PPP3CA: variants seen among roughly 807,000 people sequenced by gnomAD.
PPP3CA encodes the protein CAM-PRP catalytic subunit.
PPP3CA carries 14 observed loss-of-function variants against 66.5 expected under a neutral mutation model. The observed-to-expected ratio is 0.21, with a 90% CI of 0.14 to 0.33. The LOEUF (loss-of-function observed/expected upper bound fraction) is 0.33, where lower values mean the gene tolerates loss of function less well. Ranked by LOEUF, PPP3CA falls within the 10% of genes least tolerant of loss-of-function variation. The pLI is 1.00. For missense variants in PPP3CA, 317 were observed against 639.5 expected, an observed-to-expected ratio of 0.50 and a Z score of 5.44; for synonymous variants, 232 against 226.2, an observed-to-expected ratio of 1.03 and a Z score of -0.23.
At position 101,025,803 on chromosome 4, in the gene PPP3CA, C is replaced by G. The variant is rs1726609882; in HGVS notation, c.*62G>C. 7.6e-7 allele frequency: 1 copy of G among 1,315,202 alleles called. No homozygotes were observed. Among genetic ancestry groups the G allele is most frequent in the Non-Finnish European group, 1.0e-6 (1 of 982,192 alleles). The allele number at this position is 1,315,202 out of a possible 1,614,324, so 81.5% of individuals were successfully genotyped here. On this transcript the variant is annotated 3_prime_UTR_variant, in exon 14 of 14. Coordinates refer to ENST00000394854, the MANE Select transcript of PPP3CA (RefSeq NM_000944.5). ...CCAACTGCTGATATGCAGCAATCCC[C>G]ATCATGCCCCGCAGCTCAAAAAAAA...
At chr4:101,289,317 CA>C (rs1466087833) in intron 1 of PPP3CA, among the ~76,000 whole-genome samples, 1 of 152,138 alleles carries the variant, frequency 6.6e-6, no homozygotes, top group Non-Finnish European at 1.5e-5. Flanking sequence ...ATAACATTTC[CA>C]CATGCTCCAC....
chr4:101,216,790 A>G (rs1459567030), intron 1 of PPP3CA, among the ~76,000 whole-genome samples: 1 of 152,090 alleles, frequency 6.6e-6, no homozygotes, highest in East Asian at 1.9e-4. Flanking sequence ...GGCTCTCGCA[A>G]TCAGTCCACC....
At chr4:101,295,307 CAAAAAAAAAAAAAAA>C (rs527366396) in intron 1 of PPP3CA, among the ~76,000 whole-genome samples, 8 of 42,054 alleles carry the variant, frequency 1.9e-4, no homozygotes, top group Non-Finnish European at 3.6e-4. Context: ...GACTCCGTCT[CAAAAAAAAAAAAAAA>C]AAAAAAAAAG....
intron 2 of PPP3CA, among the ~76,000 whole-genome samples, chr4:101,135,254 A>G (rs1722581434): frequency 6.6e-6 from 1 of 152,130 alleles, no homozygotes; most frequent in Non-Finnish European, 1.5e-5. Flanking sequence ...TCAAAAAAAA[A>G]AAAAAATCAA....
intron 1 of PPP3CA, among the ~76,000 whole-genome samples, chr4:101,261,460 T>G (rs1191442172): frequency 6.6e-6 from 1 of 152,130 alleles, no homozygotes; most frequent in Non-Finnish European, 1.5e-5. Context: ...TACCATAATG[T>G]AACATTATTG....
chr4:101,091,582 TCAA>T (rs1383730449), intron 6 of PPP3CA, among the ~76,000 whole-genome samples: 1 of 151,916 alleles, frequency 6.6e-6, no homozygotes. Context: ...ATCAATCACA[TCAA>T]CAGATAGAAA....
intron 2 of PPP3CA, among the ~76,000 whole-genome samples, chr4:101,115,037 G>T (rs1482062298): frequency 6.6e-6 from 1 of 151,966 alleles, no homozygotes; most frequent in South Asian, 2.1e-4. Flanking sequence ...ACTAATGGGT[G>T]GTGTGGTAGT....
chr4:101,329,652 G>A (rs1254672870), intron 1 of PPP3CA, among the ~76,000 whole-genome samples: 2 of 152,078 alleles, frequency 1.3e-5, no homozygotes, highest in African/African-American at 2.4e-5. Flanking sequence ...CTCTTTTTAG[G>A]GGTTAATGCA....
At chr4:101,122,967 C>G (rs904238340) in intron 2 of PPP3CA, among the ~76,000 whole-genome samples, 2 of 151,938 alleles carry the variant, frequency 1.3e-5, no homozygotes, top group Admixed American at 6.6e-5. Flanking sequence ...ATAAAAGGGG[C>G]CAAACAGAAC....
At chr4:101,191,798 A>G (rs1205232495) in intron 2 of PPP3CA, among the ~76,000 whole-genome samples, 1 of 152,110 alleles carries the variant, frequency 6.6e-6, no homozygotes, top group African/African-American at 2.4e-5. Flanking sequence ...CCACCAGTCC[A>G]CTCTCACATC....
At chr4:101,342,328 T>C (rs1461683601) in intron 1 of PPP3CA, among the ~76,000 whole-genome samples, 1 of 152,166 alleles carries the variant, frequency 6.6e-6, no homozygotes, top group Non-Finnish European at 1.5e-5. Flanking sequence ...ATCACTGGAA[T>C]TCCCCTGAAT....
chr4:101,115,489 A>G (rs1471061534), intron 2 of PPP3CA, among the ~76,000 whole-genome samples: 1 of 151,942 alleles, frequency 6.6e-6, no homozygotes, highest in Non-Finnish European at 1.5e-5. Context: ...TAGCAAATCT[A>G]CAAATAAATA....
At chr4:101,223,739 A>G (rs1190807384) in intron 1 of PPP3CA, among the ~76,000 whole-genome samples, 2 of 151,910 alleles carry the variant, frequency 1.3e-5, no homozygotes, top group African/African-American at 4.8e-5. Flanking sequence ...TGAAAACTTC[A>G]TAACTTCAGT....
intron 13 of PPP3CA, 99 bp from the exon 14 acceptor site, chr4:101,026,160 G>T: frequency 1.0e-6 from 1 of 1,004,708 alleles, no homozygotes; most frequent in Non-Finnish European, 1.4e-6. Flanking sequence ...TTCTCAGTGA[G>T]AGGGAATCCT....
intron 1 of PPP3CA, among the ~76,000 whole-genome samples, chr4:101,328,854 C>A (rs1729284027): frequency 6.6e-6 from 1 of 152,076 alleles, no homozygotes; most frequent in Non-Finnish European, 1.5e-5. Flanking sequence ...CGATATAAGA[C>A]AACAAATTTA....
intron 2 of PPP3CA, among the ~76,000 whole-genome samples, chr4:101,133,943 A>C (rs913807432): frequency 1.3e-5 from 2 of 152,176 alleles, no homozygotes; most frequent in Non-Finnish European, 2.9e-5. Context: ...ATAACACCAC[A>C]CATCTACAGC....
chr4:101,028,117 A>AT (rs1324986149), intron 13 of PPP3CA, among the ~76,000 whole-genome samples: 1 of 152,178 alleles, frequency 6.6e-6, no homozygotes, highest in Non-Finnish European at 1.5e-5. Context: ...TCATGTACAA[A>AT]TTGGAAGAGT....
At chr4:101,050,984 G>T (rs1727983921) in intron 10 of PPP3CA, among the ~76,000 whole-genome samples, 1 of 152,138 alleles carries the variant, frequency 6.6e-6, no homozygotes, top group African/African-American at 2.4e-5. Context: ...TTTTGTGCCA[G>T]CCAGGCTAAA....
At chr4:101,035,563 T>C (rs1014184931) in intron 11 of PPP3CA, among the ~76,000 whole-genome samples, 3 of 152,206 alleles carry the variant, frequency 2.0e-5, no homozygotes, top group African/African-American at 7.2e-5. Context: ...AGTTTCCTTA[T>C]CTATAAAATC....
Sources: gnomAD v4.1 joint callset for allele counts (sites outside exome capture counted in the v4.1 genomes callset) on GRCh38, gnomAD v4.1.1 for gene constraint, MANE v1.5 for transcripts, NCBI Gene and HGNC (gene_info 2026-07-23, HGNC 2026-07-21) for gene names.